SLC30A7: variants seen among roughly 807,000 people sequenced by gnomAD.
The protein encoded by SLC30A7 is solute carrier family 30 member 7.
Under a neutral mutation model 46.0 loss-of-function variants are expected in SLC30A7, and 35 were observed. The observed-to-expected ratio is 0.76, with a 90% CI of 0.58 to 1.01. SLC30A7 has a LOEUF of 1.01. Among genes scored for constraint, SLC30A7 ranks in the 50% least tolerant of loss-of-function variants. The probability of loss-of-function intolerance (pLI) is 0.00; values close to 1 mark genes in which losing one functional copy is unlikely to be tolerated. For synonymous variants in SLC30A7, 147 were observed against 157.8 expected (o/e 0.93, Z 0.51); for missense variants, 464 against 451.1 (o/e 1.03, Z -0.26).
intron 8 of SLC30A7, chr1:100,940,914 C>T: frequency 5.4e-6 from 2 of 371,580 alleles, no homozygotes; most frequent in East Asian, 1.8e-4. Flanking sequence ...TAGGCCCTGC[C>T]ACCACTGTGC....
At chr1:100,992,486 T>G in the SLC30A7 span, 127 of 522,884 alleles carry the variant, frequency 2.4e-4, no homozygotes, top group African/African-American at 2.3e-3. Flanking sequence ...CCTATGGGAT[T>G]TAAGTTAAAG....
downstream of SLC30A7, among the ~76,000 whole-genome samples, chr1:100,983,392 A>AC (rs1406490954): frequency 5.3e-3 from 553 of 104,124 alleles, 6 homozygotes; most frequent in African/African-American, 0.019. Context: ...AAAAAAAAAC[A>AC]AAACAAAACA....
At chr1:100,982,279 C>A (rs1015446910), downstream of SLC30A7, among the ~76,000 whole-genome samples, 2 of 152,218 alleles carry the variant, frequency 1.3e-5, no homozygotes, top group Non-Finnish European at 2.9e-5. Flanking sequence ...CTCAGCATGT[C>A]TGCTGTCAGA....
At chr1:100,918,047 C>T in intron 6 of SLC30A7, 30 bp from the exon 7 acceptor site, 1 of 1,583,856 alleles carries the variant, frequency 6.3e-7, no homozygotes, top group Non-Finnish European at 8.6e-7. Context: ...GAATTGAAAA[C>T]ATGTTTTAAA....
the SLC30A7 span, among the ~76,000 whole-genome samples, chr1:100,987,162 T>G: frequency 2.6e-5 from 4 of 152,228 alleles, no homozygotes; most frequent in African/African-American, 7.2e-5. Context: ...GTAGCTTTTT[T>G]CTTTTATCCT....
intron 8 of SLC30A7, among the ~76,000 whole-genome samples, chr1:100,954,416 A>T (rs927848824): frequency 7.2e-5 from 11 of 152,182 alleles, no homozygotes; most frequent in African/African-American, 2.7e-4. Flanking sequence ...AAAAAAATTT[A>T]TGAAAGCATT....
At chr1:100,905,422 T>C (rs1198153457) in intron 2 of SLC30A7, among the ~76,000 whole-genome samples, 1 of 152,144 alleles carries the variant, frequency 6.6e-6, no homozygotes, top group Non-Finnish European at 1.5e-5. Context: ...TTCTTGGATC[T>C]GTGATTTATT....
rs145777850 is a variant in SLC30A7 at position 100,907,112 on chromosome 1, C to G, written c.296+147C>G. On this transcript the variant is annotated intron_variant, in intron 3 of 10. Transcript: ENST00000357650. The stretch of plus-strand genomic sequence containing the variant: ...CCCCCACTCAGGCCTCTTCGAGTTC[C>G]TACCTCCCCAAGGGTAACCACTTTC... The G allele has an allele frequency of 8.7e-4, 481 of 555,174 alleles. 2 individuals carry two copies. Among genetic ancestry groups the G allele is most frequent in the African/African-American group, 8.0e-3 (426 of 53,022 alleles). The allele number at this position is 555,174 out of a possible 1,614,324, so 34.4% of individuals were successfully genotyped here.
intron 2 of SLC30A7, among the ~76,000 whole-genome samples, chr1:100,903,628 A>G (rs1474913654): frequency 6.6e-6 from 1 of 152,158 alleles, no homozygotes; most frequent in East Asian, 1.9e-4. Context: ...ACTTTCTAAT[A>G]TATCTATATT....
Position 100,906,833 on chromosome 1 carries a change from T to C in SLC30A7, c.183-19T>C, listed in dbSNP as rs1178353758. On this transcript the variant is annotated intron_variant, in intron 2 of 10. Transcript: ENST00000357650. Reference sequence around the variant, plus strand: ...TTTGGTTTTTATTATAATTTGTCAATGTGTTTGTTCTTTTCCAGCTTAGGC... The same window carrying C: ...TTTGGTTTTTATTATAATTTGTCAACGTGTTTGTTCTTTTCCAGCTTAGGC... 8 of 1,525,796 alleles carry C rather than the reference T, an allele frequency of 5.2e-6. No homozygotes were observed. Among genetic ancestry groups the C allele is most frequent in the African/African-American group, 1.4e-5 (1 of 72,994 alleles). The allele number at this position is 1,525,796 out of a possible 1,614,324, so 94.5% of individuals were successfully genotyped here.
intron 3 of SLC30A7, among the ~76,000 whole-genome samples, chr1:100,908,019 C>T (rs1651794631): frequency 6.6e-6 from 1 of 151,982 alleles, no homozygotes; most frequent in Non-Finnish European, 1.5e-5. Context: ...TCCTCCTCTT[C>T]TCTTAACTTC....
chr1:100,915,187 T>TCC lies in SLC30A7; in HGVS notation c.655+1382_655+1383insCC, dbSNP rs1364300079. On this transcript the variant is annotated intron_variant, in intron 6 of 10. Transcript: ENST00000357650. Reference sequence around the variant, plus strand: ...ACTTCTTTTCTTTTTTCTTTTCTTTTCTTTCTTTTCTTTCTTTCTTTCTTT... The same window carrying TCC: ...ACTTCTTTTCTTTTTTCTTTTCTTTTCCCTTTCTTTTCTTTCTTTCTTTCTTT... Among the ~76,000 whole-genome samples, 747 of 80,802 alleles carry TCC rather than the reference T, an allele frequency of 9.2e-3. 5 individuals are homozygous for TCC. Among genetic ancestry groups the TCC allele is most frequent in the Non-Finnish European group, 0.012 (448 of 37,304 alleles). 53.0% of individuals were successfully genotyped at this position (80,802 alleles called of 152,430 possible). A position where few individuals can be genotyped will look rare whatever the true frequency, so the allele number is the denominator to read the frequency against.
In SLC30A7 at chr1:100,951,669, T is replaced by A. The variant is rs1034513057; in HGVS notation, c.843-10159T>A. Among the ~76,000 whole-genome samples the A allele has an allele frequency of 2.0e-5, 3 of 152,176 alleles. No individual in the cohort carries two copies. The East Asian group carries it at 5.8e-4, about 29-fold the overall frequency. Reference sequence around the variant, plus strand: ...CCTGCCTGCAATCCTCTCCATGTTGTGAAAAGTCTTCCCACCTGGAGGACC... The same window carrying A: ...CCTGCCTGCAATCCTCTCCATGTTGAGAAAAGTCTTCCCACCTGGAGGACC... On this transcript the variant is annotated intron_variant, in intron 8 of 10. Transcript: ENST00000357650.
chr1:100,952,456 C>T (rs1655008010), intron 8 of SLC30A7, among the ~76,000 whole-genome samples: 1 of 152,150 alleles, frequency 6.6e-6, no homozygotes, highest in Non-Finnish European at 1.5e-5. Flanking sequence ...CTAATTCTTG[C>T]CTGCCTTTCT....
chr1:100,990,543 G>C, the SLC30A7 span: 1 of 1,614,086 alleles, frequency 6.2e-7, no homozygotes, highest in East Asian at 2.2e-5. Flanking sequence ...AGTCCACAGT[G>C]CACATTTGCC....
intron 8 of SLC30A7, chr1:100,941,807 C>A (rs1654367248): frequency 5.3e-6 from 3 of 569,576 alleles, no homozygotes; most frequent in Non-Finnish European, 1.0e-5. Flanking sequence ...GAGTGGCATA[C>A]GTGACAAACC....
chr1:100,896,128 CTG>C lies in SLC30A7; in HGVS notation c.-131_-130del. ...TTCCCGGGTGTGTGTCTGTGTCTGT[CTG>C]TGTCTCGCAGCGGCGCGCGGCCCCG... On this transcript the variant is annotated 5_prime_UTR_variant, in exon 1 of 11. Coordinates refer to ENST00000357650, the MANE Select transcript of SLC30A7 (RefSeq NM_133496.5). 1 of 738,910 alleles carries C rather than the reference CTG, an allele frequency of 1.4e-6. No individual in the cohort carries two copies. 45.8% of individuals were successfully genotyped at this position (738,910 alleles called of 1,614,324 possible). A position where few individuals can be genotyped will look rare whatever the true frequency, so the allele number is the denominator to read the frequency against.
At chr1:100,906,391 C>T (rs1295270969) in intron 2 of SLC30A7, among the ~76,000 whole-genome samples, 2 of 152,168 alleles carry the variant, frequency 1.3e-5, no homozygotes, top group Non-Finnish European at 2.9e-5. Flanking sequence ...TTGCCGCTCT[C>T]CCTCTCTCCC....
rs185374038 is a variant in SLC30A7, at chr1:100,903,676, A to G, written c.183-3176A>G. Among the ~76,000 whole-genome samples the G allele has an allele frequency of 2.4e-3, 373 of 152,310 alleles. 1 individual carries two copies. Among genetic ancestry groups the G allele is most frequent in the Middle Eastern group, 0.024 (7 of 294 alleles). ...ATAAGGTTCATGATAAAAGTTTAAG[A>G]CATTTTCTAAAATCTTTTGTAATGA... On this transcript the variant is annotated intron_variant, in intron 2 of 10. Coordinates refer to ENST00000357650, the MANE Select transcript of SLC30A7 (RefSeq NM_133496.5).
Sources: allele counts gnomAD v4.1 joint callset (sites outside exome capture counted in the v4.1 genomes callset), GRCh38; gene constraint gnomAD v4.1.1; transcripts MANE v1.5; gene names NCBI Gene and HGNC (gene_info 2026-07-23, HGNC 2026-07-21).